SLC22A23: variants seen among roughly 807,000 people sequenced by gnomAD.
The protein encoded by SLC22A23 is ion transporter protein.
In SLC22A23, 26 loss-of-function variants were observed where a neutral mutation model predicts 61.0. That is an observed-to-expected ratio of 0.43 (90% CI 0.31 to 0.59). The LOEUF (loss-of-function observed/expected upper bound fraction) is 0.59, where lower values mean the gene tolerates loss of function less well. SLC22A23 is among the 20% of genes least tolerant of loss of function. SLC22A23 has a pLI of 0.11. For missense variants in SLC22A23, 796 were observed against 934.7 expected, an observed-to-expected ratio of 0.85 and a Z score of 1.94; for synonymous variants, 430 against 413.9, an observed-to-expected ratio of 1.04 and a Z score of -0.47.
chr6:3,320,325 T>C (rs4959814), intron 4 of SLC22A23, among the ~76,000 whole-genome samples: 108,403 of 152,020 alleles, frequency 0.71, 40,089 homozygotes, highest in African/African-American at 0.92. Flanking sequence ...GACCAGAAGA[T>C]CCCTTCTGGC....
At chr6:3,302,623 T>C (rs769711516) in intron 4 of SLC22A23, among the ~76,000 whole-genome samples, 2 of 152,226 alleles carry the variant, frequency 1.3e-5, no homozygotes, top group African/African-American at 2.4e-5. Context: ...GGTTTTAATA[T>C]ATTGTGTTTC....
chr6:3,305,860 G>A (rs1402317640), intron 4 of SLC22A23, among the ~76,000 whole-genome samples: 1 of 152,242 alleles, frequency 6.6e-6, no homozygotes, highest in Non-Finnish European at 1.5e-5. Flanking sequence ...AAGCCTTGAA[G>A]TTGGCTCTCA....
chr6:3,400,354 C>A (rs147139782), intron 3 of SLC22A23, among the ~76,000 whole-genome samples: 5 of 152,212 alleles, frequency 3.3e-5, no homozygotes, highest in Non-Finnish European at 7.3e-5. Flanking sequence ...AAGCTTGCTG[C>A]GAGCCCAGAG....
rs1032754689 is a variant in SLC22A23, at chr6:3,283,538, C to G, written c.1703+314G>C. ...GGCAGCACAGGTTCTGGTGGAAGTG[C>G]GGCATAAGTGATCCGCTGCACTCCC... On this transcript the variant is annotated intron_variant, in intron 9 of 9. Transcript: ENST00000406686. 1.4e-5 allele frequency: 5 copies of G among 363,484 alleles called. No individual in the cohort carries two copies. In the East Asian group the frequency reaches 3.3e-4, roughly 24 times the overall value. The allele number at this position is 363,484 out of a possible 1,614,324, so 22.5% of individuals were successfully genotyped here.
chr6:3,433,115 A>C (rs1206835741), intron 1 of SLC22A23, among the ~76,000 whole-genome samples: 1 of 152,258 alleles, frequency 6.6e-6, no homozygotes, highest in Non-Finnish European at 1.5e-5. Context: ...ATAGGTCTTC[A>C]TCAAACGCTC....
rs1393810782 is a variant in SLC22A23, at chr6:3,387,583, T to C, written c.913+22605A>G. Among the ~76,000 whole-genome samples, 2 of 152,176 alleles carry C rather than the reference T, an allele frequency of 1.3e-5. No homozygotes were observed. Among genetic ancestry groups the C allele is most frequent in the Non-Finnish European group, 2.9e-5 (2 of 68,042 alleles). On this transcript the variant is annotated intron_variant, in intron 3 of 9. Coordinates refer to ENST00000406686, the MANE Select transcript of SLC22A23 (RefSeq NM_015482.2). The surrounding 1 kb of genome is among the most constrained non-coding windows in gnomAD (Gnocchi z 5.0). ...TTAGTTAGTCCCACGACAACGTCCG[T>C]TTCTCAGCTCTGGGGACCGTAGCGT...
At chr6:3,441,073 G>T (rs1285006783) in intron 1 of SLC22A23, among the ~76,000 whole-genome samples, 2 of 152,242 alleles carry the variant, frequency 1.3e-5, no homozygotes, top group African/African-American at 4.8e-5. Flanking sequence ...GGGCAGAGAA[G>T]GTGCTTGGCA....
intron 3 of SLC22A23, among the ~76,000 whole-genome samples, chr6:3,396,223 G>A (rs1030698676): frequency 4.6e-5 from 7 of 152,182 alleles, no homozygotes; most frequent in Admixed American, 3.9e-4. Context: ...GTGAGGACAG[G>A]CATTTCCTGC....
rs534459789 is a variant in SLC22A23 at position 3,294,939 on chromosome 6, C to A, written c.1210+3152G>T. Among the ~76,000 whole-genome samples the A allele has an allele frequency of 4.6e-5, 7 of 152,356 alleles. No individual in the cohort carries two copies. In the East Asian group the frequency reaches 1.3e-3, roughly 29 times the overall value. ...TGGGGCAGTGAGCAGCCCCACTGGA[C>A]CCCTACACGTACCTCCAGCCAGGCC... On this transcript the variant is annotated intron_variant, in intron 5 of 9. Coordinates refer to ENST00000406686, the MANE Select transcript of SLC22A23 (RefSeq NM_015482.2).
intron 3 of SLC22A23, among the ~76,000 whole-genome samples, chr6:3,405,197 G>T (rs1183864148): frequency 6.6e-6 from 1 of 152,080 alleles, no homozygotes; most frequent in Non-Finnish European, 1.5e-5. Flanking sequence ...GGGGGCGGAG[G>T]TTGTAGCGAG....
At chr6:3,370,522 G>T (rs760871645) in intron 3 of SLC22A23, among the ~76,000 whole-genome samples, 5 of 152,254 alleles carry the variant, frequency 3.3e-5, no homozygotes, top group Non-Finnish European at 5.9e-5. Context: ...CCCTTGAGGC[G>T]GTGGCCAGGT....
intron 8 of SLC22A23, among the ~76,000 whole-genome samples, chr6:3,284,459 G>A (rs1487901717): frequency 2.0e-5 from 3 of 152,204 alleles, no homozygotes; most frequent in African/African-American, 4.8e-5. Context: ...AAATGGCACC[G>A]GAGACCGACC....
intron 4 of SLC22A23, among the ~76,000 whole-genome samples, chr6:3,310,661 A>G (rs1326673170): frequency 3.5e-5 from 5 of 140,978 alleles, no homozygotes; most frequent in Non-Finnish European, 8.1e-5. Context: ...ATACTGTGAA[A>G]CCCTACGAGG....
intron 3 of SLC22A23, among the ~76,000 whole-genome samples, chr6:3,346,351 A>G (rs902800424): frequency 6.6e-6 from 1 of 151,978 alleles, no homozygotes; most frequent in African/African-American, 2.4e-5. Flanking sequence ...CATCCACTTC[A>G]TGTCTGTTAA....
At chr6:3,383,456 A>T (rs1325225853) in intron 3 of SLC22A23, among the ~76,000 whole-genome samples, 1 of 152,236 alleles carries the variant, frequency 6.6e-6, no homozygotes, top group Non-Finnish European at 1.5e-5. Context: ...CATATATCTT[A>T]TTAGTATTTT....
intron 3 of SLC22A23, among the ~76,000 whole-genome samples, chr6:3,346,039 C>T (rs553680829): frequency 1.3e-4 from 20 of 152,170 alleles, no homozygotes; most frequent in African/African-American, 4.8e-4. Context: ...TGCCACTAAA[C>T]AGCTTCCACT....
chr6:3,284,896 G>T, intron 8 of SLC22A23, 183 bp downstream of exon 8: 1 of 1,536,878 alleles, frequency 6.5e-7, no homozygotes, highest in Admixed American at 2.0e-5. Context: ...CTTTCTAGAG[G>T]CAAGAGGGAG....
At chr6:3,288,410 T>C (rs911327921) in intron 6 of SLC22A23, among the ~76,000 whole-genome samples, 6 of 152,238 alleles carry the variant, frequency 3.9e-5, no homozygotes, top group African/African-American at 1.4e-4. Context: ...TGAATGCCTT[T>C]CCTCTTGGGA....
At position 3,360,432 on chromosome 6, in the gene SLC22A23, G is replaced by T. The variant is rs1002267764; in HGVS notation, c.914-36430C>A. Among the ~76,000 whole-genome samples the T allele has an allele frequency of 1.3e-4, 20 of 152,286 alleles. No individual in the cohort carries two copies. Among genetic ancestry groups the T allele is most frequent in the African/African-American group, 4.3e-4 (18 of 41,566 alleles). ...GAGGATCAGAAAGGCTCAATCACCA[G>T]GAGGTGAGGTGAGTCACAGAGCTCA... On this transcript the variant is annotated intron_variant, in intron 3 of 9. Coordinates refer to ENST00000406686, the MANE Select transcript of SLC22A23 (RefSeq NM_015482.2). The surrounding 1 kb of genome is among the most constrained non-coding windows in gnomAD (Gnocchi z 4.6).
Sources: allele counts gnomAD v4.1 joint callset (sites outside exome capture counted in the v4.1 genomes callset), GRCh38; gene constraint gnomAD v4.1.1; non-coding constraint Gnocchi (gnomAD v3.1); transcripts MANE v1.5; gene names NCBI Gene and HGNC (gene_info 2026-07-23, HGNC 2026-07-21).